The following CCDC85A variants were observed in gnomAD, a reference collection of about 807,000 sequenced individuals.
The protein encoded by CCDC85A is coiled-coil domain containing 85A.
CCDC85A carries 38 observed loss-of-function variants against 50.2 expected under a neutral mutation model. The observed-to-expected ratio is 0.76, with a 90% CI of 0.58 to 0.99. The LOEUF is 0.99. Ranked by LOEUF, CCDC85A falls within the 50% of genes least tolerant of loss-of-function variation. CCDC85A has a pLI of 0.00. For missense variants in CCDC85A, 820 were observed against 742.0 expected, an observed-to-expected ratio of 1.11 and a Z score of -1.22; for synonymous variants, 366 against 301.4, an observed-to-expected ratio of 1.21 and a Z score of -2.22.
Position 56,184,094 on chromosome 2 carries a change from G to A in CCDC85A, c.-531G>A. On this transcript the variant is annotated 5_prime_UTR_variant, in exon 1 of 6. Coordinates refer to ENST00000407595, the MANE Select transcript of CCDC85A (RefSeq NM_001080433.2). The stretch of plus-strand genomic sequence containing the variant: ...GGAGCGCAGCAGCCTTCGGGCAGCC[G>A]CGGCGGCGTCGCTAGAGCAGCCGGG... 1 of 985,330 alleles carries A rather than the reference G, an allele frequency of 1.0e-6. No individual in the cohort carries two copies. Among genetic ancestry groups the A allele is most frequent in the Non-Finnish European group, 1.2e-6 (1 of 830,026 alleles). 61.0% of individuals were successfully genotyped at this position (985,330 alleles called of 1,614,324 possible). A position where few individuals can be genotyped will look rare whatever the true frequency, so the allele number is the denominator to read the frequency against.
At chr2:56,361,859 T>C (rs902703733) in intron 3 of CCDC85A, among the ~76,000 whole-genome samples, 8 of 152,180 alleles carry the variant, frequency 5.3e-5, no homozygotes, top group African/African-American at 1.9e-4. Flanking sequence ...AGTCTCCATG[T>C]TGGGTAAACA....
chr2:56,219,261 T>A (rs1668215699), intron 2 of CCDC85A, among the ~76,000 whole-genome samples: 3 of 148,476 alleles, frequency 2.0e-5, no homozygotes, highest in African/African-American at 7.5e-5. Flanking sequence ...TAATACAGTA[T>A]TTTCCTTCAG....
intron 2 of CCDC85A, among the ~76,000 whole-genome samples, chr2:56,308,104 C>T (rs1283170340): frequency 1.3e-5 from 2 of 152,174 alleles, no homozygotes; most frequent in Non-Finnish European, 2.9e-5. Context: ...GGTGGTTTGA[C>T]AGTACCAAAT....
intron 2 of CCDC85A, among the ~76,000 whole-genome samples, chr2:56,314,513 G>A (rs1204433903): frequency 6.6e-6 from 1 of 151,994 alleles, no homozygotes; most frequent in African/African-American, 2.4e-5. Flanking sequence ...CATAGTGTAT[G>A]TTCCCCCATC....
At chr2:56,185,557 C>T (rs927524214) in intron 1 of CCDC85A, 6 of 152,526 alleles carry the variant, frequency 3.9e-5, no homozygotes, top group African/African-American at 1.4e-4. Flanking sequence ...CCCAGGTTGA[C>T]TGGGGGAAAG....
intron 2 of CCDC85A, among the ~76,000 whole-genome samples, chr2:56,252,135 C>G (rs905106495): frequency 7.9e-5 from 12 of 151,768 alleles, no homozygotes; most frequent in Non-Finnish European, 1.2e-4. Context: ...CATCCTCTGC[C>G]TCCCAGGTTC....
At chr2:56,245,025 G>A (rs1047611590) in intron 2 of CCDC85A, among the ~76,000 whole-genome samples, 4 of 152,032 alleles carry the variant, frequency 2.6e-5, no homozygotes, top group Admixed American at 6.5e-5. Flanking sequence ...AAGCTGTGCT[G>A]CCTGTGCTTG....
chr2:56,381,969 A>G (rs551383154), intron 5 of CCDC85A, among the ~76,000 whole-genome samples: 1 of 152,006 alleles, frequency 6.6e-6, no homozygotes, highest in Admixed American at 6.6e-5. Context: ...CCCCTTGTTT[A>G]CCTTTAAAAG....
chr2:56,288,616 A>T (rs1056298193), intron 2 of CCDC85A, among the ~76,000 whole-genome samples: 1 of 152,158 alleles, frequency 6.6e-6, no homozygotes, highest in Non-Finnish European at 1.5e-5. Flanking sequence ...AACCGAGTTT[A>T]GTGGTGTATT....
intron 3 of CCDC85A, among the ~76,000 whole-genome samples, chr2:56,344,168 T>C (rs1441222440): frequency 2.0e-5 from 3 of 152,166 alleles, no homozygotes; most frequent in Non-Finnish European, 1.5e-5. Context: ...TTTTCTTCTA[T>C]ACATAAATAT....
At chr2:56,226,443 C>A (rs753745385) in intron 2 of CCDC85A, among the ~76,000 whole-genome samples, 6 of 152,112 alleles carry the variant, frequency 3.9e-5, no homozygotes, top group Admixed American at 6.6e-5. Context: ...AAAGCACTTA[C>A]CACAATGTCC....
At chr2:56,364,843 G>A (rs1018594748) in intron 3 of CCDC85A, among the ~76,000 whole-genome samples, 2 of 150,636 alleles carry the variant, frequency 1.3e-5, no homozygotes, top group Non-Finnish European at 3.0e-5. Context: ...TAGGCAATAA[G>A]TAATACTTTT....
At chr2:56,309,154 T>C (rs1362950599) in intron 2 of CCDC85A, among the ~76,000 whole-genome samples, 1 of 152,238 alleles carries the variant, frequency 6.6e-6, no homozygotes, top group African/African-American at 2.4e-5. Flanking sequence ...AAACTTTTTA[T>C]AAGAAGGATA....
rs115713175 is a variant in CCDC85A at position 56,241,467 on chromosome 2, T to C, written c.1240+48027T>C. ...CCCATTAACCATCCCCAATTCCCCC[T>C]CCCCACCACATCCCCCATTATCTTT... On this transcript the variant is annotated intron_variant, in intron 2 of 5. Transcript: ENST00000407595. Among the ~76,000 whole-genome samples the C allele has an allele frequency of 1.6e-3, 238 of 151,592 alleles. 1 individual carries two copies. Among genetic ancestry groups the C allele is most frequent in the African/African-American group, 5.5e-3 (227 of 41,388 alleles).
chr2:56,350,161 T>C (rs544502919), intron 3 of CCDC85A, among the ~76,000 whole-genome samples: 1 of 139,528 alleles, frequency 7.2e-6, no homozygotes, highest in African/African-American at 2.9e-5. Context: ...TCCTTTTTTT[T>C]TTCTTCTCTT....
intron 2 of CCDC85A, among the ~76,000 whole-genome samples, chr2:56,209,555 G>A (rs771609703): frequency 2.0e-5 from 3 of 151,460 alleles, no homozygotes; most frequent in Non-Finnish European, 4.4e-5. Flanking sequence ...TTAATCTATA[G>A]TGGACTATAA....
chr2:56,250,242 T>A (rs1371974051), intron 2 of CCDC85A, among the ~76,000 whole-genome samples: 1 of 152,112 alleles, frequency 6.6e-6, no homozygotes, highest in East Asian at 1.9e-4. Context: ...TAGTAAGATT[T>A]TAAGTTGGAG....
intron 2 of CCDC85A, among the ~76,000 whole-genome samples, chr2:56,339,665 A>C (rs1259898243): frequency 6.6e-6 from 1 of 152,220 alleles, no homozygotes; most frequent in Non-Finnish European, 1.5e-5. Flanking sequence ...TGTGAACAAA[A>C]AAGAAAATAA....
Position 56,196,592 on chromosome 2 carries a change from G to A in CCDC85A, c.1240+3152G>A, listed in dbSNP as rs146305440. Among the ~76,000 whole-genome samples, 175 of 152,222 alleles carry A rather than the reference G, an allele frequency of 1.1e-3. 1 individual carries two copies. Among genetic ancestry groups the A allele is most frequent in the East Asian group, 8.9e-3 (46 of 5,172 alleles). Reference sequence around the variant, plus strand: ...TGTGCTTCCAGATACTAGCTGGCAGGCCTTTGCTTTTAAACAGGTAACTAT... The same window carrying A: ...TGTGCTTCCAGATACTAGCTGGCAGACCTTTGCTTTTAAACAGGTAACTAT... On this transcript the variant is annotated intron_variant, in intron 2 of 5. Transcript: ENST00000407595.
Sources: allele counts gnomAD v4.1 joint callset (sites outside exome capture counted in the v4.1 genomes callset), GRCh38; gene constraint gnomAD v4.1.1; transcripts MANE v1.5; gene names NCBI Gene and HGNC (gene_info 2026-07-23, HGNC 2026-07-21).